PRIM2: variants seen among roughly 807,000 people sequenced by gnomAD.
PRIM2 encodes the protein DNA primase large subunit.
PRIM2 carries 39 observed loss-of-function variants against 67.3 expected under a neutral mutation model. That is an observed-to-expected ratio of 0.58 (90% CI 0.45 to 0.76). The LOEUF is 0.76. PRIM2 is among the 30% of genes least tolerant of loss of function. The pLI, the probability that PRIM2 is intolerant of heterozygous loss-of-function variation, is 0.00. For synonymous variants in PRIM2, 143 were observed against 198.7 expected (o/e 0.72, Z 2.36); for missense variants, 398 against 598.7 (o/e 0.66, Z 3.50).
chr6:57,294,443 T>C, the PRIM2 span, among the ~76,000 whole-genome samples: 1 of 152,126 alleles, frequency 6.6e-6, no homozygotes, highest in Non-Finnish European at 1.5e-5. Context: ...ATCGTGCTAC[T>C]GCACTCCAGC....
intron 13 of PRIM2, among the ~76,000 whole-genome samples, chr6:57,638,486 G>A (rs1777162395): frequency 6.7e-6 from 1 of 148,554 alleles, no homozygotes; most frequent in South Asian, 2.1e-4. Context: ...ACCCATCGGT[G>A]TGCTGTATTC....
chr6:57,363,330 A>G (rs1769256486), intron 5 of PRIM2, among the ~76,000 whole-genome samples: 1 of 152,204 alleles, frequency 6.6e-6, no homozygotes, highest in Non-Finnish European at 1.5e-5. Context: ...ATAAAATATC[A>G]TATGTTTATA....
At chr6:57,586,341 G>T (rs1209510934) in intron 10 of PRIM2, among the ~76,000 whole-genome samples, 1 of 152,106 alleles carries the variant, frequency 6.6e-6, no homozygotes, top group Non-Finnish European at 1.5e-5. Context: ...GAGGTGGTCT[G>T]TGTGTGGTTG....
intron 8 of PRIM2, among the ~76,000 whole-genome samples, chr6:57,526,144 A>G (rs1301724669): frequency 6.6e-6 from 1 of 152,112 alleles, no homozygotes; most frequent in Non-Finnish European, 1.5e-5. Flanking sequence ...CAGTGCAGTA[A>G]TTGTTACATT....
intron 13 of PRIM2, among the ~76,000 whole-genome samples, chr6:57,638,324 A>G (rs1365097710): frequency 2.0e-5 from 3 of 152,192 alleles, no homozygotes; most frequent in Non-Finnish European, 4.4e-5. Context: ...TGTCGACACT[A>G]TAAAGAAATT....
intron 10 of PRIM2, among the ~76,000 whole-genome samples, chr6:57,565,805 AAAT>A (rs1240334151): frequency 6.6e-6 from 1 of 152,260 alleles, no homozygotes; most frequent in East Asian, 1.9e-4. Flanking sequence ...CTCTTAAAAA[AAAT>A]AGACACTTTC....
chr6:57,586,614 G>A (rs1435491788), intron 10 of PRIM2, among the ~76,000 whole-genome samples: 83 of 152,264 alleles, frequency 5.5e-4, no homozygotes, highest in African/African-American at 1.9e-3. Flanking sequence ...AATGGTGGAA[G>A]AAAAGAGAGG....
At chr6:57,334,911 A>G (rs9296865) in intron 5 of PRIM2, among the ~76,000 whole-genome samples, 108,192 of 151,834 alleles carry the variant, frequency 0.71, 38,985 homozygotes, top group African/African-American at 0.83. Flanking sequence ...CGTGAGCGAC[A>G]CAGAAGATGG....
At chr6:57,342,150 TA>T (rs1275784276) in intron 5 of PRIM2, among the ~76,000 whole-genome samples, 7 of 152,234 alleles carry the variant, frequency 4.6e-5, no homozygotes, top group Non-Finnish European at 8.8e-5. Flanking sequence ...GATACTTTTT[TA>T]GTCTATACTG....
intron 13 of PRIM2, among the ~76,000 whole-genome samples, chr6:57,632,881 A>G (rs1313761230): frequency 6.6e-6 from 1 of 152,150 alleles, no homozygotes; most frequent in African/African-American, 2.4e-5. Flanking sequence ...CTAACTATAC[A>G]CGAGTCAGGG....
chr6:57,625,728 CAGATAACTTTGTTTAT>C (rs1776939405), intron 12 of PRIM2, among the ~76,000 whole-genome samples: 1 of 152,190 alleles, frequency 6.6e-6, no homozygotes, highest in East Asian at 1.9e-4. Context: ...AGAATTGACT[CAGATAACTTTGTTTAT>C]AGATAATAAA....
chr6:57,464,251 C>A (rs1210244172), intron 7 of PRIM2, among the ~76,000 whole-genome samples: 9 of 152,048 alleles, frequency 5.9e-5, no homozygotes, highest in African/African-American at 1.9e-4. Flanking sequence ...AGATCACATG[C>A]TTTGCTGTCT....
intron 10 of PRIM2, among the ~76,000 whole-genome samples, chr6:57,590,387 G>C (rs1440352095): frequency 3.9e-5 from 6 of 152,198 alleles, no homozygotes; most frequent in Non-Finnish European, 7.3e-5. Flanking sequence ...AGCTGCAATA[G>C]AAGAAGGGAT....
intron 7 of PRIM2, among the ~76,000 whole-genome samples, chr6:57,398,408 C>A (rs566368736): frequency 2.8e-4 from 43 of 152,178 alleles, no homozygotes; most frequent in African/African-American, 9.9e-4. Context: ...TCATTTTTTA[C>A]CCAAAAGTCA....
intron 7 of PRIM2, among the ~76,000 whole-genome samples, chr6:57,480,118 CAT>C (rs1426398463): frequency 0.022 from 3,390 of 152,162 alleles, 106 homozygotes; most frequent in South Asian, 0.072. Flanking sequence ...AAATGCATGA[CAT>C]GTGTTTAGAG....
chr6:57,471,791 G>A (rs1452363397), intron 7 of PRIM2, among the ~76,000 whole-genome samples: 2 of 152,128 alleles, frequency 1.3e-5, no homozygotes, highest in Non-Finnish European at 2.9e-5. Flanking sequence ...GAAAAAAAAT[G>A]AAGTATATGC....
intron 7 of PRIM2, among the ~76,000 whole-genome samples, chr6:57,444,439 C>T (rs1039141986): frequency 4.0e-5 from 6 of 151,838 alleles, no homozygotes; most frequent in East Asian, 3.9e-4. Flanking sequence ...TAGTGGCGCA[C>T]GCCTGTAATC....
chr6:57,243,025 G>A, the PRIM2 span, among the ~76,000 whole-genome samples: 70 of 152,278 alleles, frequency 4.6e-4, no homozygotes, highest in African/African-American at 1.6e-3. Context: ...ATCTACCAAG[G>A]TCAGCCACCT....
At chr6:57,289,661 A>C in the PRIM2 span, among the ~76,000 whole-genome samples, 12,993 of 152,212 alleles carry the variant, frequency 0.085, 584 homozygotes, top group Non-Finnish European at 0.1. Context: ...CAACATTCTT[A>C]AATAAAATAA....
Sources: allele counts gnomAD v4.1 joint callset (sites outside exome capture counted in the v4.1 genomes callset), GRCh38; gene constraint gnomAD v4.1.1; transcripts MANE v1.5; gene names NCBI Gene and HGNC (gene_info 2026-07-23, HGNC 2026-07-21).